ADAMTS17: variants seen among roughly 807,000 people sequenced by gnomAD.
The protein encoded by ADAMTS17 is A disintegrin and metalloproteinase with thrombospondin motifs 17.
A neutral mutation model predicts 141.5 loss-of-function variants in ADAMTS17; 113 were observed. The ratio of observed to expected loss-of-function variants is 0.80; its 90% CI spans 0.69 to 0.93. ADAMTS17 has a LOEUF of 0.93. ADAMTS17 is among the 40% of genes least tolerant of loss of function. ADAMTS17 has a pLI of 0.00. For missense variants in ADAMTS17, 1,659 were observed against 1,517.9 expected (o/e 1.09, Z -1.54); for synonymous variants, 768 against 630.6 (o/e 1.22, Z -3.27).
chr15:100,339,134 T>G (rs1158509458), intron 2 of ADAMTS17: 1 of 985,364 alleles, frequency 1.0e-6, no homozygotes, highest in Admixed American at 6.1e-5. Flanking sequence ...CACACTGAAC[T>G]CAGCCTGTTG....
chr15:100,131,152 A>G (rs4965588), intron 12 of ADAMTS17, among the ~76,000 whole-genome samples: 114,225 of 151,728 alleles, frequency 0.75, 43,816 homozygotes, highest in East Asian at 0.93. Flanking sequence ...TCACTCAGAA[A>G]TGGGAGCTGA....
chr15:100,029,355 A>G (rs555191363), intron 18 of ADAMTS17, among the ~76,000 whole-genome samples: 2 of 152,246 alleles, frequency 1.3e-5, no homozygotes, highest in Non-Finnish European at 2.9e-5. Flanking sequence ...GGCAAACTGC[A>G]AAACAAAATG....
chr15:100,192,214 G>GT (rs2040945748), intron 8 of ADAMTS17, among the ~76,000 whole-genome samples: 1 of 152,202 alleles, frequency 6.6e-6, no homozygotes, highest in Non-Finnish European at 1.5e-5. Context: ...TGAGGGAAAC[G>GT]TGAGAACCCT....
At chr15:100,096,577 T>C (rs2035773265) in intron 14 of ADAMTS17, 101 bp from the exon 15 acceptor site, 6 of 1,497,076 alleles carry the variant, frequency 4.0e-6, no homozygotes, top group Non-Finnish European at 5.5e-6. Flanking sequence ...GCAGCATACA[T>C]GGGGCCTGGG....
chr15:100,217,531 G>A (rs368031158), intron 7 of ADAMTS17, among the ~76,000 whole-genome samples: 234 of 152,162 alleles, frequency 1.5e-3, no homozygotes, highest in African/African-American at 3.3e-3. Flanking sequence ...TCCGGGAGGC[G>A]GAGGCTGCAG....
chr15:100,193,227 C>A (rs917429417), intron 8 of ADAMTS17, among the ~76,000 whole-genome samples: 1 of 152,254 alleles, frequency 6.6e-6, no homozygotes, highest in Admixed American at 6.5e-5. Context: ...CCACAGGTCA[C>A]TTTACGCTTT....
intron 15 of ADAMTS17, among the ~76,000 whole-genome samples, chr15:100,077,314 T>TG (rs2034447902): frequency 9.9e-6 from 1 of 100,808 alleles, no homozygotes; most frequent in Non-Finnish European, 2.1e-5. Context: ...AAAAAAAAAT[T>TG]AGCCTGGCAT....
intron 14 of ADAMTS17, among the ~76,000 whole-genome samples, chr15:100,107,091 G>C (rs1051103140): frequency 5.9e-5 from 9 of 152,196 alleles, no homozygotes; most frequent in Non-Finnish European, 4.4e-5. Context: ...CCCAGTTTCA[G>C]ACTGATTTGG....
At chr15:100,253,957 T>C (rs1420800752) in intron 7 of ADAMTS17, among the ~76,000 whole-genome samples, 179 bp downstream of exon 7, 1 of 151,984 alleles carries the variant, frequency 6.6e-6, no homozygotes, top group Admixed American at 6.6e-5. Context: ...CTGCCATCAA[T>C]AACTTCAAAT....
intron 3 of ADAMTS17, among the ~76,000 whole-genome samples, chr15:100,324,024 CAAAA>C (rs35999702): frequency 3.0e-5 from 4 of 133,140 alleles, no homozygotes; most frequent in Admixed American, 7.3e-5. Context: ...TCCTTTCTCT[CAAAA>C]AAAAAAAAAA....
At chr15:100,324,553 C>G (rs1229265415) in intron 3 of ADAMTS17, among the ~76,000 whole-genome samples, 2 of 152,196 alleles carry the variant, frequency 1.3e-5, no homozygotes, top group African/African-American at 2.4e-5. Flanking sequence ...GTATGCAAAT[C>G]TCACCAGAGT....
chr15:100,141,369 T>C (rs938871514), intron 10 of ADAMTS17, among the ~76,000 whole-genome samples: 3 of 152,184 alleles, frequency 2.0e-5, no homozygotes, highest in Admixed American at 2.0e-4. Context: ...TCATCCTCTC[T>C]GGGCATCTGC....
chr15:100,211,137 A>G (rs550968287), intron 7 of ADAMTS17, among the ~76,000 whole-genome samples: 1 of 146,206 alleles, frequency 6.8e-6, no homozygotes, highest in African/African-American at 2.7e-5. Flanking sequence ...TAAATAAATA[A>G]ATAAAAATAC....
intron 17 of ADAMTS17, among the ~76,000 whole-genome samples, chr15:100,049,634 A>G (rs1232543618): frequency 6.6e-6 from 1 of 152,142 alleles, no homozygotes; most frequent in Non-Finnish European, 1.5e-5. Context: ...TAAACACTGC[A>G]CGGCCATGCC....
intron 7 of ADAMTS17, among the ~76,000 whole-genome samples, chr15:100,247,209 C>T (rs965653193): frequency 2.0e-5 from 3 of 152,092 alleles, no homozygotes; most frequent in African/African-American, 4.8e-5. Context: ...TTCTAACACA[C>T]AGTCTGGAAG....
chr15:100,143,166 C>T (rs1022254230), intron 10 of ADAMTS17, among the ~76,000 whole-genome samples: 42 of 152,274 alleles, frequency 2.8e-4, no homozygotes, highest in African/African-American at 1.0e-3. Flanking sequence ...TGTGAGAAAG[C>T]GGTGGGACTT....
intron 15 of ADAMTS17, among the ~76,000 whole-genome samples, chr15:100,056,970 G>A (rs965567787): frequency 6.6e-6 from 1 of 152,064 alleles, no homozygotes; most frequent in African/African-American, 2.4e-5. Flanking sequence ...AGGCTTCCTG[G>A]GATAAGCCCG....
intron 7 of ADAMTS17, among the ~76,000 whole-genome samples, chr15:100,235,145 G>T (rs1320531074): frequency 6.6e-6 from 1 of 152,194 alleles, no homozygotes; most frequent in Non-Finnish European, 1.5e-5. Flanking sequence ...TGCAGGAGGT[G>T]CTCGGGGAGA....
intron 3 of ADAMTS17, among the ~76,000 whole-genome samples, chr15:100,302,818 CT>C (rs2045088398): frequency 6.6e-6 from 1 of 152,132 alleles, no homozygotes; most frequent in African/African-American, 2.4e-5. Context: ...AATCAGTGGG[CT>C]GCGAAAGGCA....
Sources: allele counts gnomAD v4.1 joint callset (sites outside exome capture counted in the v4.1 genomes callset), GRCh38; gene constraint gnomAD v4.1.1; transcripts MANE v1.5; gene names NCBI Gene and HGNC (gene_info 2026-07-23, HGNC 2026-07-21).